GTF3C4: variants seen among roughly 807,000 people sequenced by gnomAD.
GTF3C4 encodes general transcription factor IIIC subunit 4, also known as general transcription factor 3C polypeptide 4.
Under a neutral mutation model 67.5 loss-of-function variants are expected in GTF3C4, and 28 were observed. The ratio of observed to expected loss-of-function variants is 0.41; its 90% CI spans 0.31 to 0.57. The LOEUF (loss-of-function observed/expected upper bound fraction) is 0.57. Among genes scored for constraint, GTF3C4 ranks in the 20% least tolerant of loss-of-function variants. The pLI is 0.21. For missense variants in GTF3C4, 831 were observed against 1,033.2 expected, an observed-to-expected ratio of 0.80 and a Z score of 2.68; for synonymous variants, 409 against 393.0, an observed-to-expected ratio of 1.04 and a Z score of -0.48.
rs763007124 is a variant in GTF3C4, at chr9:132,670,745, C to T, written c.147C>T (p.Leu49=). The T allele has an allele frequency of 4.6e-5, 72 of 1,554,386 alleles. No individual in the cohort carries two copies. The highest frequency in any genetic ancestry group is 7.5e-5 in the Admixed American group (4 of 53,128). ...AAPGPSAAFR[L]MVTRREPAVK... is the part of the protein sequence containing the mutation. Reference sequence around the variant, plus strand: ...CGGGGCCCAGCGCTGCATTCCGCCTCATGGTGACTCGGCGGGAGCCGGCCG... The same window carrying T: ...CGGGGCCCAGCGCTGCATTCCGCCTTATGGTGACTCGGCGGGAGCCGGCCG... Residue 49 remains leucine, a synonymous_variant, in exon 1 of 5, where the codon CTC becomes CTT. Transcript: ENST00000372146.
At position 132,678,529 on chromosome 9, in the gene GTF3C4, A is replaced by C; in HGVS notation, c.910A>C (p.Asn304His). The change falls in exon 2 of 5, where the codon AAC (asparagine) becomes CAC (histidine). Residue 304 changes from asparagine to histidine, a missense_variant. Coordinates refer to ENST00000372146, the MANE Select transcript of GTF3C4 (RefSeq NM_012204.4). The surrounding 1 kb of genome is among the most constrained non-coding windows in gnomAD (Gnocchi z 6.5). ...AGGAAAAGAATCCATCTCTTCATGC[A>C]ACACAATTGAGTCAGGAATCACCTC... ...FVGKESISSC[N>H]TIESGITSPS... 1 of 1,614,226 alleles carries C rather than the reference A, an allele frequency of 6.2e-7. No homozygotes were observed. The highest frequency in any genetic ancestry group is 1.1e-5 in the South Asian group (1 of 91,084).
chr9:132,679,757 G>C lies in GTF3C4; in HGVS notation c.2138G>C (p.Cys713Ser). ...ACTAGCATCCCCACCCGCGGACTCTGTAACTTTTTAATGTCTGATGAAGAG... is the reference window on the plus strand; with the variant it reads ...ACTAGCATCCCCACCCGCGGACTCTCTAACTTTTTAATGTCTGATGAAGAG... ...ENTSIPTRGL[C>S]NFLMSDEEYD... The change falls in exon 2 of 5, where the codon TGT becomes TCT. Residue 713 changes from cysteine (C) to serine (S), a missense_variant. Physicochemically the swap from Cys to Ser is moderately radical, Grantham distance 112. Coordinates refer to ENST00000372146, the MANE Select transcript of GTF3C4 (RefSeq NM_012204.4). This position sits in a 1 kb window ranked among gnomAD's most constrained non-coding sequence, Gnocchi z 5.9. 6.2e-7 allele frequency: 1 copy of C among 1,613,508 alleles called. No individual in the cohort carries two copies. Among genetic ancestry groups the C allele is most frequent in the Non-Finnish European group, 8.5e-7 (1 of 1,179,512 alleles).
Position 132,670,859 on chromosome 9 carries a change from T to C in GTF3C4, c.261T>C (p.Ala87=), listed in dbSNP as rs1189860141. The change falls in exon 1 of 5, where the codon GCT becomes GCC. Residue 87 remains alanine, a synonymous_variant. Coordinates refer to ENST00000372146, the MANE Select transcript of GTF3C4 (RefSeq NM_012204.4). ...RVSVSTARSI[A]VLELICDVHN... Reference sequence around the variant, plus strand: ...CTGTGTCCACGGCCCGCAGCATCGCTGTGCTGGAGCTCATCTGCGACGTGC... The same window carrying C: ...CTGTGTCCACGGCCCGCAGCATCGCCGTGCTGGAGCTCATCTGCGACGTGC... 2 of 1,611,966 alleles carry C rather than the reference T, an allele frequency of 1.2e-6. No individual in the cohort carries two copies. The highest frequency in any genetic ancestry group is 1.3e-5 in the African/African-American group (1 of 74,900).
chr9:132,677,446 G>A (rs1391560748), intron 1 of GTF3C4, among the ~76,000 whole-genome samples: 2 of 152,180 alleles, frequency 1.3e-5, no homozygotes, highest in Admixed American at 1.3e-4. Flanking sequence ...AGAGATGAAT[G>A]AAAGCTTGAA....
intron 3 of GTF3C4, among the ~76,000 whole-genome samples, chr9:132,685,886 A>G (rs1341316908): frequency 1.3e-5 from 2 of 152,224 alleles, no homozygotes; most frequent in Non-Finnish European, 2.9e-5. Context: ...CTGTTAGTTA[A>G]GATTGGGTAT....
chr9:132,678,117 C>T lies in GTF3C4; in HGVS notation c.498C>T (p.Tyr166=), dbSNP rs1486115694. ...KALPPMRGFK[Y]TSWSPMGCDA... ...TACCACCAATGAGAGGATTCAAGTACACCAGCTGGTCTCCCATGGGTTGCG... is the reference window on the plus strand; with the variant it reads ...TACCACCAATGAGAGGATTCAAGTATACCAGCTGGTCTCCCATGGGTTGCG... Residue 166 remains tyrosine, a synonymous_variant, in exon 2 of 5, where the codon TAC becomes TAT. Coordinates refer to ENST00000372146, the MANE Select transcript of GTF3C4 (RefSeq NM_012204.4). The surrounding 1 kb of genome is among the most constrained non-coding windows in gnomAD (Gnocchi z 6.5). The T allele has an allele frequency of 6.2e-7, 1 of 1,614,258 alleles. No individual in the cohort carries two copies. The highest frequency in any genetic ancestry group is 8.5e-7 in the Non-Finnish European group (1 of 1,180,034).
At chr9:132,677,527 T>G (rs969639970) in intron 1 of GTF3C4, among the ~76,000 whole-genome samples, 5 of 152,164 alleles carry the variant, frequency 3.3e-5, no homozygotes, top group Non-Finnish European at 7.4e-5. Flanking sequence ...GGAGAAGAAC[T>G]AGGCAAGGGA....
intron 1 of GTF3C4, among the ~76,000 whole-genome samples, chr9:132,672,259 C>G (rs1281063017): frequency 6.6e-6 from 1 of 152,146 alleles, no homozygotes; most frequent in Non-Finnish European, 1.5e-5. Flanking sequence ...GATGTTCATC[C>G]GCACAGCAAC....
Position 132,679,291 on chromosome 9 carries a change from C to T in GTF3C4, c.1672C>T (p.Gln558Ter). Residue 558 changes from glutamine to a stop codon, truncating the protein, a stop_gained, in exon 2 of 5, where the codon CAA (glutamine) becomes TAA (stop). Transcript: ENST00000372146. LOFTEE classifies it high-confidence loss of function. This position sits in a 1 kb window ranked among gnomAD's most constrained non-coding sequence, Gnocchi z 5.9. Reference protein sequence around the residue: ...LKDKHIPQFLQEALEKKIESS... With the variant: ...LKDKHIPQFL The stretch of plus-strand genomic sequence containing the variant: ...AGATAAACATATCCCTCAATTTTTA[C>T]AAGAAGCTTTGGAAAAAAAGATTGA... The T allele has an allele frequency of 6.2e-7, 1 of 1,613,846 alleles. No individual in the cohort carries two copies. Among genetic ancestry groups the T allele is most frequent in the South Asian group, 1.1e-5 (1 of 91,028 alleles).
intron 1 of GTF3C4, among the ~76,000 whole-genome samples, chr9:132,677,130 G>A (rs961246941): frequency 2.0e-5 from 3 of 152,064 alleles, no homozygotes; most frequent in Non-Finnish European, 2.9e-5. Context: ...AGCTGGGCAC[G>A]GTGGCTCACA....
upstream of GTF3C4, chr9:132,670,397 T>C: frequency 1.8e-6 from 2 of 1,123,116 alleles, no homozygotes; most frequent in South Asian, 2.1e-5. Context: ...CTCGCTGTCC[T>C]TTTTCTGGAC....
In GTF3C4 at chr9:132,683,957, A is replaced by G. The variant is rs145706251; in HGVS notation, c.2315+264A>G. On this transcript the variant is annotated intron_variant, in intron 3 of 4. Coordinates refer to ENST00000372146, the MANE Select transcript of GTF3C4 (RefSeq NM_012204.4). Reference sequence around the variant, plus strand: ...GTTCATTTTCCTAATTGAACAAATTATGGCTCCTCTTCCTAGCCTCACTCT... The same window carrying G: ...GTTCATTTTCCTAATTGAACAAATTGTGGCTCCTCTTCCTAGCCTCACTCT... Among the ~76,000 whole-genome samples, 92 of 152,294 alleles carry G rather than the reference A, an allele frequency of 6.0e-4. No individual in the cohort carries two copies. In the East Asian group the frequency reaches 0.014, roughly 23 times the overall value.
chr9:132,689,295 TAG>T lies in GTF3C4; in HGVS notation c.*355_*356del. 8.4e-6 allele frequency: 2 copies of T among 238,030 alleles called. No homozygotes were observed. Among genetic ancestry groups the T allele is most frequent in the Non-Finnish European group, 8.6e-6 (1 of 116,868 alleles). 14.7% of individuals were successfully genotyped at this position (238,030 alleles called of 1,614,324 possible). On this transcript the variant is annotated 3_prime_UTR_variant, in exon 5 of 5. Transcript: ENST00000372146. Reference sequence around the variant, plus strand: ...TTTCTAGAAACAGAATGGTCTCTTCTAGAGAGCTTGGATAAGGACCTTGCTGG... The same window carrying T: ...TTTCTAGAAACAGAATGGTCTCTTCTAGAGCTTGGATAAGGACCTTGCTGG...
rs368128146 is a variant in GTF3C4, at chr9:132,679,802, G to A, written c.2183G>A (p.Arg728Gln). 4.5e-6 allele frequency: 7 copies of A among 1,566,992 alleles called. No homozygotes were observed. In the African/African-American group the frequency reaches 6.8e-5, roughly 15 times the overall value. The change falls in exon 2 of 5, where the codon CGG becomes CAG. Residue 728 changes from arginine (R) to glutamine (Q), a missense_variant and splice_region_variant. Transcript: ENST00000372146. This position sits in a 1 kb window ranked among gnomAD's most constrained non-coding sequence, Gnocchi z 5.9. Reference protein sequence around the residue: ...SDEEYDDRTARVLIGHISKKM... With the variant: ...SDEEYDDRTAQVLIGHISKKM... ...GAAGAGTATGATGACAGAACTGCAC[G>A]GGTAGGTGTTTATTAACAAAAACTC...
At chr9:132,688,803 C>T (rs1316281926) in intron 4 of GTF3C4, 78 bp from the exon 5 acceptor site, 23 of 1,045,702 alleles carry the variant, frequency 2.2e-5, no homozygotes, top group African/African-American at 3.1e-5. Flanking sequence ...CGTCTCTCAA[C>T]GCTACAGTCC....
At chr9:132,676,868 G>C (rs916791629) in intron 1 of GTF3C4, among the ~76,000 whole-genome samples, 1 of 152,116 alleles carries the variant, frequency 6.6e-6, no homozygotes, top group Non-Finnish European at 1.5e-5. Flanking sequence ...TTAAAGAGCA[G>C]CCTCTTTGAA....
Position 132,694,582 on chromosome 9 carries a change from G to C in GTF3C4, c.*5637G>C, listed in dbSNP as rs1335667565. 6.6e-6 allele frequency: 1 copy of C among 152,218 alleles called. No homozygotes were observed. The highest frequency in any genetic ancestry group is 1.9e-4 in the East Asian group (1 of 5,200). The allele number at this position is 152,218 out of a possible 1,614,324, so 9.4% of individuals were successfully genotyped here. On this transcript the variant is annotated 3_prime_UTR_variant, in exon 5 of 5. Transcript: ENST00000372146. Reference sequence around the variant, plus strand: ...AAATTTTGAAGTGGGGAAGATTATGGAGAAAATGAAATGGAAATTTGGGGA... The same window carrying C: ...AAATTTTGAAGTGGGGAAGATTATGCAGAAAATGAAATGGAAATTTGGGGA...
In GTF3C4 at chr9:132,679,637, A is replaced by G; in HGVS notation, c.2018A>G (p.Gln673Arg). The G allele has an allele frequency of 6.2e-7, 1 of 1,614,200 alleles. No individual in the cohort carries two copies. The highest frequency in any genetic ancestry group is 8.5e-7 in the Non-Finnish European group (1 of 1,180,032). Residue 673 changes from glutamine to arginine, a missense_variant, in exon 2 of 5, where the codon CAA becomes CGA. Physicochemically the swap from Gln to Arg is conservative, Grantham distance 43 (BLOSUM62 1). Coordinates refer to ENST00000372146, the MANE Select transcript of GTF3C4 (RefSeq NM_012204.4). The surrounding 1 kb of genome is among the most constrained non-coding windows in gnomAD (Gnocchi z 5.9). ...ATGGAAGAGAAACTCCTGGAAATCCAAGGGAAAATCGAAGCTGTGGAGATG... is the reference window on the plus strand; with the variant it reads ...ATGGAAGAGAAACTCCTGGAAATCCGAGGGAAAATCGAAGCTGTGGAGATG... ...EPMEEKLLEIQGKIEAVEMHL... is the reference protein window; with the variant it reads ...EPMEEKLLEIRGKIEAVEMHL...
At chr9:132,675,287 T>G (rs1835847868) in intron 1 of GTF3C4, among the ~76,000 whole-genome samples, 1 of 152,182 alleles carries the variant, frequency 6.6e-6, no homozygotes, top group Non-Finnish European at 1.5e-5. Context: ...AGTTATTATG[T>G]TGTGCTTCAT....
Sources: gnomAD v4.1 joint callset for allele counts (sites outside exome capture counted in the v4.1 genomes callset) on GRCh38, gnomAD v4.1.1 for gene constraint, Gnocchi (gnomAD v3.1) non-coding constraint, MANE v1.5 for transcripts, NCBI Gene and HGNC (gene_info 2026-07-23, HGNC 2026-07-21) for gene names.